The following GALNT13 variants were observed in gnomAD, a reference collection of about 807,000 sequenced individuals.
The protein encoded by GALNT13 is UDP-GalNAc:polypeptide N-acetylgalactosaminyltransferase 13.
Under a neutral mutation model 64.2 loss-of-function variants are expected in GALNT13, and 28 were observed. The observed-to-expected ratio is 0.44, with a 90% CI of 0.32 to 0.60. GALNT13 has a LOEUF of 0.60. Among genes scored for constraint, GALNT13 ranks in the 20% least tolerant of loss-of-function variants. The pLI is 0.05. For synonymous variants in GALNT13, 214 were observed against 224.6 expected (o/e 0.95, Z 0.42); for missense variants, 577 against 669.8 (o/e 0.86, Z 1.53).
At chr2:154,299,610 A>G (rs947144131) in intron 8 of GALNT13, among the ~76,000 whole-genome samples, 22 of 132,448 alleles carry the variant, frequency 1.7e-4, no homozygotes, top group African/African-American at 5.9e-4. Context: ...GCCCGCCACC[A>G]TGCCTGGCTA....
the GALNT13 span, among the ~76,000 whole-genome samples, chr2:153,594,651 A>G: frequency 2.6e-5 from 4 of 152,236 alleles, no homozygotes; most frequent in African/African-American, 9.6e-5. Context: ...CCTTTTGAAC[A>G]TATCAAGTAT....
At chr2:153,874,301 C>G (rs1422119714) in intron 1 of GALNT13, among the ~76,000 whole-genome samples, 1 of 151,826 alleles carries the variant, frequency 6.6e-6, no homozygotes, top group Non-Finnish European at 1.5e-5. Flanking sequence ...TAGCCCCTAT[C>G]CACCTTCAAT....
At chr2:153,478,130 T>A in the GALNT13 span, 3 of 830,650 alleles carry the variant, frequency 3.6e-6, no homozygotes, top group Admixed American at 2.9e-5. Flanking sequence ...AGAGAAATAA[T>A]TGACTCCGAC....
the GALNT13 span, among the ~76,000 whole-genome samples, chr2:153,703,062 G>A: frequency 6.6e-6 from 1 of 152,130 alleles, no homozygotes; most frequent in Non-Finnish European, 1.5e-5. Context: ...TATAGGGGGT[G>A]AGTGATTACA....
chr2:153,529,191 G>GA, the GALNT13 span, among the ~76,000 whole-genome samples: 1 of 151,344 alleles, frequency 6.6e-6, no homozygotes, highest in East Asian at 1.9e-4. Flanking sequence ...AAATAAAAAA[G>GA]AAAAAAATCC....
intron 12 of GALNT13, among the ~76,000 whole-genome samples, chr2:154,439,059 A>G (rs544721921): frequency 6.6e-6 from 1 of 152,194 alleles, no homozygotes; most frequent in African/African-American, 2.4e-5. Context: ...ACAGGATAAT[A>G]TTGACAATAT....
At chr2:153,099,481 G>A in the GALNT13 span, among the ~76,000 whole-genome samples, 1 of 152,112 alleles carries the variant, frequency 6.6e-6, no homozygotes, top group Non-Finnish European at 1.5e-5. Context: ...TTAATAAAAG[G>A]TTGATTTGTT....
chr2:153,606,351 G>A, the GALNT13 span, among the ~76,000 whole-genome samples: 1 of 152,074 alleles, frequency 6.6e-6, no homozygotes, highest in Admixed American at 6.6e-5. Flanking sequence ...TAGACTTCAT[G>A]AGAACTCTGC....
chr2:153,873,676 C>T (rs1234113753), intron 1 of GALNT13, among the ~76,000 whole-genome samples: 1 of 152,108 alleles, frequency 6.6e-6, no homozygotes, highest in East Asian at 1.9e-4. Context: ...GTCAGCCTTC[C>T]CTGAAACAAC....
chr2:153,841,133 C>T, the GALNT13 span, among the ~76,000 whole-genome samples: 329 of 152,134 alleles, frequency 2.2e-3, 2 homozygotes, highest in African/African-American at 7.2e-3. Context: ...TAAATATTTA[C>T]TTTCCATTAC....
At chr2:153,766,889 C>T in the GALNT13 span, among the ~76,000 whole-genome samples, 91 of 152,102 alleles carry the variant, frequency 6.0e-4, no homozygotes, top group African/African-American at 2.1e-3. Flanking sequence ...GGTCCATTAT[C>T]GGAGTTTTCT....
intron 3 of GALNT13, among the ~76,000 whole-genome samples, chr2:154,047,367 TA>T (rs1699344241): frequency 6.6e-6 from 1 of 152,188 alleles, no homozygotes; most frequent in Admixed American, 6.5e-5. Context: ...TGATGCTTTT[TA>T]AAACCTTTTA....
At chr2:153,459,269 A>G in the GALNT13 span, among the ~76,000 whole-genome samples, 3 of 152,186 alleles carry the variant, frequency 2.0e-5, no homozygotes, top group Admixed American at 6.5e-5. Context: ...GTCATATGGC[A>G]TGAAACCTAA....
intron 9 of GALNT13, among the ~76,000 whole-genome samples, chr2:154,387,185 G>C (rs868522763): frequency 1.6e-4 from 25 of 152,186 alleles, no homozygotes; most frequent in African/African-American, 5.5e-4. Context: ...ATAGGGAATA[G>C]ATAAAAAGGT....
chr2:154,448,677 GACA>G (rs1163804482), intron 12 of GALNT13, among the ~76,000 whole-genome samples: 1 of 151,960 alleles, frequency 6.6e-6, no homozygotes, highest in African/African-American at 2.4e-5. Context: ...TTGTGCAGTT[GACA>G]ACATCTATTC....
At chr2:153,782,864 A>G in the GALNT13 span, among the ~76,000 whole-genome samples, 481 of 152,284 alleles carry the variant, frequency 3.2e-3, 1 homozygote, top group Middle Eastern at 6.8e-3. Context: ...CACGCAGACT[A>G]AAATATCTGC....
intron 1 of GALNT13, among the ~76,000 whole-genome samples, chr2:153,873,755 G>C (rs866663975): frequency 3.9e-5 from 6 of 152,044 alleles, no homozygotes; most frequent in Admixed American, 3.3e-4. Context: ...TGAAATTTCT[G>C]GTATCCTTGA....
At chr2:154,107,441 T>G (rs2105478366) in intron 3 of GALNT13, among the ~76,000 whole-genome samples, 1 of 151,740 alleles carries the variant, frequency 6.6e-6, no homozygotes, top group Non-Finnish European at 1.5e-5. Context: ...AATACAAAAA[T>G]TAGCTGGGCG....
At chr2:153,975,590 AATC>A (rs1448567217) in intron 3 of GALNT13, among the ~76,000 whole-genome samples, 9 of 152,146 alleles carry the variant, frequency 5.9e-5, no homozygotes, top group Non-Finnish European at 7.4e-5. Context: ...TTTGTTAATT[AATC>A]ACCTATTCAC....
Sources: allele counts gnomAD v4.1 joint callset (sites outside exome capture counted in the v4.1 genomes callset), GRCh38; gene constraint gnomAD v4.1.1; transcripts MANE v1.5; gene names NCBI Gene and HGNC (gene_info 2026-07-23, HGNC 2026-07-21).